The following SLC25A26 variants were observed in gnomAD, a reference collection of about 807,000 sequenced individuals.
SLC25A26 encodes solute carrier family 25 member 26, also known as mitochondrial S-adenosylmethionine carrier protein.
Under a neutral mutation model 37.8 loss-of-function variants are expected in SLC25A26, and 36 were observed. The observed-to-expected ratio is 0.95, with a 90% CI of 0.73 to 1.26. SLC25A26 has a LOEUF of 1.26. Among genes scored for constraint, SLC25A26 ranks in the 50% most tolerant of loss-of-function variants. SLC25A26 has a pLI of 0.00. For synonymous variants in SLC25A26, 129 were observed against 122.5 expected (o/e 1.05, Z -0.35); for missense variants, 390 against 331.1 (o/e 1.18, Z -1.38).
intron 1 of SLC25A26, among the ~76,000 whole-genome samples, chr3:66,180,140 C>T (rs1185574973): frequency 6.6e-6 from 1 of 152,166 alleles, no homozygotes; most frequent in Admixed American, 6.5e-5. Context: ...ATGAAGTCAA[C>T]CTAAAACTTT....
At chr3:66,228,592 G>A (rs986167957) in intron 1 of SLC25A26, among the ~76,000 whole-genome samples, 2 of 152,298 alleles carry the variant, frequency 1.3e-5, no homozygotes, top group East Asian at 3.9e-4. Flanking sequence ...GGGGTTGAAT[G>A]CCTGAAAAAT....
chr3:66,372,713 A>G (rs972901816), intron 9 of SLC25A26, among the ~76,000 whole-genome samples: 1 of 152,126 alleles, frequency 6.6e-6, no homozygotes, highest in Non-Finnish European at 1.5e-5. Flanking sequence ...ATTAAAGACA[A>G]TAAATAATTT....
intron 9 of SLC25A26, chr3:66,371,543 C>T (rs1269101973): frequency 2.9e-5 from 35 of 1,202,228 alleles, no homozygotes; most frequent in Non-Finnish European, 3.1e-5. Flanking sequence ...GAGGGATTGA[C>T]GTTGGGGGTG....
intron 5 of SLC25A26, among the ~76,000 whole-genome samples, chr3:66,282,465 C>T (rs2074379992): frequency 1.3e-5 from 2 of 152,094 alleles, no homozygotes; most frequent in Admixed American, 1.3e-4. Flanking sequence ...CTTTGAGAAC[C>T]TCCTTGCTGG....
At chr3:66,311,356 G>T (rs545900993) in intron 5 of SLC25A26, among the ~76,000 whole-genome samples, 4 of 152,056 alleles carry the variant, frequency 2.6e-5, no homozygotes, top group African/African-American at 9.6e-5. Context: ...ATTTATGTTC[G>T]TGTCTAAACT....
chr3:66,305,236 T>A (rs1447525790), intron 5 of SLC25A26, among the ~76,000 whole-genome samples: 2 of 152,226 alleles, frequency 1.3e-5, no homozygotes, highest in Non-Finnish European at 2.9e-5. Flanking sequence ...ATTTCTTTTC[T>A]GTTACTAAGT....
intron 5 of SLC25A26, among the ~76,000 whole-genome samples, chr3:66,269,114 C>A (rs1010557479): frequency 1.3e-5 from 2 of 152,150 alleles, no homozygotes; most frequent in Admixed American, 6.5e-5. Context: ...CCAGGTTTGC[C>A]CATTTGTGCT....
chr3:66,331,240 T>G (rs1232756326), intron 5 of SLC25A26, among the ~76,000 whole-genome samples: 1 of 152,152 alleles, frequency 6.6e-6, no homozygotes, highest in Non-Finnish European at 1.5e-5. Context: ...TTATTTTTTC[T>G]TTTACTGTAT....
In SLC25A26 at chr3:66,284,291, A is replaced by G. The variant is rs149021894; in HGVS notation, c.453+20912A>G. Among the ~76,000 whole-genome samples, 1,327 of 152,308 alleles carry G rather than the reference A, an allele frequency of 8.7e-3. 12 individuals are homozygous for G. The highest frequency in any genetic ancestry group is 0.015 in the African/African-American group (617 of 41,576). On this transcript the variant is annotated intron_variant, in intron 5 of 9. Coordinates refer to ENST00000354883, the MANE Select transcript of SLC25A26 (RefSeq NM_001379210.1). ...TTGAGCCCAGGAAGTGGAGGCTGCA[A>G]TGAGCTTAGATTATGCCACTGTACT...
At chr3:66,220,494 A>G (rs1413445348), upstream of SLC25A26, among the ~76,000 whole-genome samples, 1 of 152,226 alleles carries the variant, frequency 6.6e-6, no homozygotes, top group African/African-American at 2.4e-5. Context: ...AACTCTGTAA[A>G]GAGAAATGGA....
intron 5 of SLC25A26, among the ~76,000 whole-genome samples, chr3:66,265,817 T>G (rs748214511): frequency 2.0e-5 from 3 of 152,208 alleles, no homozygotes; most frequent in Non-Finnish European, 4.4e-5. Context: ...ATACTGTATA[T>G]TCACTCTGTA....
In SLC25A26 at chr3:66,201,326, A is replaced by T. The variant is rs908259606; in HGVS notation, c.-353-19416A>T. On this transcript the variant is annotated intron_variant, in intron 1 of 10. Transcript: ENST00000676754. ...GTTGATATATATAAAGATTGTTTAT[A>T]TACATATGTGTGTATATATAATTTT... Among the ~76,000 whole-genome samples the T allele has an allele frequency of 1.7e-4, 26 of 152,038 alleles. No homozygotes were observed. The East Asian group carries it at 4.8e-3, about 28-fold the overall frequency.
chr3:66,176,888 A>C (rs2070595668), intron 1 of SLC25A26, among the ~76,000 whole-genome samples: 1 of 152,202 alleles, frequency 6.6e-6, no homozygotes, highest in Non-Finnish European at 1.5e-5. Context: ...CTTCCCAGAG[A>C]CAGCATGAAA....
Position 66,243,286 on chromosome 3 carries a change from AT to A in SLC25A26, c.275del (p.Met92SerfsTer13), listed in dbSNP as rs1316141152. The part of the protein sequence containing the change: ...SSSYLTPMKH[M>X]LAASAGEVVA... ...TTCATATTTGACACCTATGAAACATATGTTGGCTGCCTCTGCTGGAGAAGTG... is the reference window on the plus strand; with the variant it reads ...TTCATATTTGACACCTATGAAACATAGTTGGCTGCCTCTGCTGGAGAAGTG... On this transcript the variant is annotated frameshift_variant, in exon 3 of 10. Coordinates refer to ENST00000354883, the MANE Select transcript of SLC25A26 (RefSeq NM_001379210.1). LOFTEE classifies it high-confidence loss of function. 1 of 1,605,562 alleles carries A rather than the reference AT, an allele frequency of 6.2e-7. No individual in the cohort carries two copies. The highest frequency in any genetic ancestry group is 8.5e-7 in the Non-Finnish European group (1 of 1,174,192).
chr3:66,339,508 G>T (rs574512442), intron 5 of SLC25A26, among the ~76,000 whole-genome samples: 1 of 151,896 alleles, frequency 6.6e-6, no homozygotes, highest in Non-Finnish European at 1.5e-5. Context: ...GTGAACAAGG[G>T]TTTCATTTTT....
At chr3:66,233,540 A>C (rs187642851) in intron 1 of SLC25A26, among the ~76,000 whole-genome samples, 1 of 152,216 alleles carries the variant, frequency 6.6e-6, no homozygotes, top group African/African-American at 2.4e-5. Flanking sequence ...GGAGTTCTTT[A>C]TAATTAGGTT....
At chr3:66,337,693 T>C (rs1178547844) in intron 5 of SLC25A26, among the ~76,000 whole-genome samples, 2 of 152,112 alleles carry the variant, frequency 1.3e-5, no homozygotes, top group Admixed American at 6.6e-5. Context: ...TTAATTTTAA[T>C]AATGCAAATG....
chr3:66,306,317 C>T (rs147885845), intron 5 of SLC25A26, among the ~76,000 whole-genome samples: 1 of 152,230 alleles, frequency 6.6e-6, no homozygotes, highest in African/African-American at 2.4e-5. Flanking sequence ...TTGTGAATGG[C>T]GTGAGACGGT....
intron 5 of SLC25A26, among the ~76,000 whole-genome samples, chr3:66,297,270 G>T (rs898184900): frequency 1.3e-5 from 2 of 150,204 alleles, no homozygotes; most frequent in African/African-American, 2.5e-5. Context: ...GGAGGTTGCA[G>T]TGAGCCAAGA....
Sources: gnomAD v4.1 joint callset for allele counts (sites outside exome capture counted in the v4.1 genomes callset) on GRCh38, gnomAD v4.1.1 for gene constraint, MANE v1.5 for transcripts, NCBI Gene and HGNC (gene_info 2026-07-23, HGNC 2026-07-21) for gene names.